KLF17: variants seen among roughly 807,000 people sequenced by gnomAD.
KLF17 encodes the protein KLF transcription factor 17, also known as Krueppel-like factor 17.
In KLF17, 31 loss-of-function variants were observed where a neutral mutation model predicts 34.2. The observed-to-expected ratio is 0.91, with a 90% CI of 0.68 to 1.22. The LOEUF is 1.22. KLF17 is among the 50% of genes most tolerant of loss of function. The pLI is 0.00. For missense variants in KLF17, 478 were observed against 505.2 expected, an observed-to-expected ratio of 0.95 and a Z score of 0.52; for synonymous variants, 179 against 186.7, an observed-to-expected ratio of 0.96 and a Z score of 0.34.
At chr1:44,046,539 TCACACACACA>T in the KLF17 span, among the ~76,000 whole-genome samples, 9 of 25,342 alleles carry the variant, frequency 3.6e-4, no homozygotes, top group East Asian at 6.6e-3. Context: ...ACACACACAC[TCACACACACA>T]CACACACACA....
At chr1:44,091,959 A>ACG in the KLF17 span, among the ~76,000 whole-genome samples, 1 of 109,800 alleles carries the variant, frequency 9.1e-6, no homozygotes, top group Non-Finnish European at 1.8e-5. Flanking sequence ...CAACACACAC[A>ACG]CACTCTCTCT....
chr1:44,098,809 C>T, the KLF17 span, among the ~76,000 whole-genome samples: 520 of 152,050 alleles, frequency 3.4e-3, 2 homozygotes, highest in African/African-American at 0.012. Context: ...CTCGGCCTCC[C>T]AAAGTGCTGG....
At chr1:44,089,173 A>G in the KLF17 span, among the ~76,000 whole-genome samples, 1 of 152,178 alleles carries the variant, frequency 6.6e-6, no homozygotes, top group African/African-American at 2.4e-5. Flanking sequence ...GCATAACCAA[A>G]CACAAGTCAT....
intron 1 of KLF17, among the ~76,000 whole-genome samples, chr1:44,127,030 G>A (rs1438802071): frequency 1.3e-5 from 2 of 151,136 alleles, no homozygotes; most frequent in African/African-American, 2.4e-5. Context: ...CTGAGTGGCT[G>A]GGACCACAGG....
At chr1:44,121,402 G>A (rs1015750504) in intron 1 of KLF17, among the ~76,000 whole-genome samples, 12 of 152,146 alleles carry the variant, frequency 7.9e-5, no homozygotes, top group Admixed American at 6.5e-4. Flanking sequence ...GGCATGAGCC[G>A]CCACGCCCAG....
the KLF17 span, among the ~76,000 whole-genome samples, chr1:44,072,776 T>C: frequency 0.012 from 1,770 of 152,030 alleles, 23 homozygotes; most frequent in African/African-American, 0.04. Flanking sequence ...TAAATGTGAA[T>C]AGAAAATAGA....
rs182452505 is a variant in KLF17, at chr1:44,122,317, G to A, written c.81+3329G>A. On this transcript the variant is annotated intron_variant, in intron 1 of 3. Coordinates refer to ENST00000372299, the MANE Select transcript of KLF17 (RefSeq NM_173484.4). ...AAACTGTCTAGTAGAATAAAATACC[G>A]AATGTTATTTCCTCGAATACTCAGC... 3.1e-5 allele frequency: 50 copies of A among 1,595,826 alleles called. No individual in the cohort carries two copies. The Admixed American group carries it at 5.5e-4, about 18-fold the overall frequency.
At chr1:44,059,214 G>A in the KLF17 span, among the ~76,000 whole-genome samples, 5 of 152,192 alleles carry the variant, frequency 3.3e-5, no homozygotes, top group African/African-American at 7.2e-5. Context: ...AGGTGGTAAT[G>A]TGATGCTGTG....
At chr1:44,125,032 C>T (rs1234166456) in intron 1 of KLF17, among the ~76,000 whole-genome samples, 1 of 152,094 alleles carries the variant, frequency 6.6e-6, no homozygotes, top group African/African-American at 2.4e-5. Flanking sequence ...TCTTTTAAAT[C>T]ATGTAGAAAA....
chr1:44,070,262 G>A, the KLF17 span, among the ~76,000 whole-genome samples: 3 of 152,060 alleles, frequency 2.0e-5, no homozygotes, highest in Non-Finnish European at 4.4e-5. Context: ...TTGTATAGTG[G>A]TGAAGTCAGG....
the KLF17 span, among the ~76,000 whole-genome samples, chr1:44,058,466 T>A: frequency 1.3e-5 from 2 of 151,956 alleles, no homozygotes; most frequent in Non-Finnish European, 2.9e-5. Flanking sequence ...AATTTTTGTA[T>A]TTTTAGTAGA....
chr1:44,072,105 G>A, the KLF17 span, among the ~76,000 whole-genome samples: 15 of 152,100 alleles, frequency 9.9e-5, no homozygotes, highest in South Asian at 2.3e-3. Flanking sequence ...TTTTGAAGGC[G>A]GATACAACAG....
the KLF17 span, among the ~76,000 whole-genome samples, chr1:44,094,866 C>A: frequency 3.3e-5 from 5 of 150,770 alleles, no homozygotes; most frequent in Admixed American, 3.3e-4. Context: ...ATATTTTTTT[C>A]TAGTTTTGTG....
At chr1:44,103,771 T>A in the KLF17 span, 3 of 1,045,704 alleles carry the variant, frequency 2.9e-6, no homozygotes, top group African/African-American at 1.6e-5. Context: ...TCGGCATCTG[T>A]GATGGCGGCC....
At chr1:44,105,665 T>G in the KLF17 span, among the ~76,000 whole-genome samples, 1 of 152,172 alleles carries the variant, frequency 6.6e-6, no homozygotes, top group East Asian at 1.9e-4. Context: ...TATTTTCCAT[T>G]TTTTTCTTTT....
Position 44,118,949 on chromosome 1 carries a change from G to A in KLF17, c.42G>A (p.Gly14=). The part of the protein sequence containing the change: ...RPQAEMEQEA[G]ELSRWQAAHQ... ...AGGCTGAGATGGAACAGGAGGCTGG[G>A]GAGCTGAGCCGGTGGCAGGCGGCGC... Residue 14 remains glycine (G), a synonymous_variant, in exon 1 of 4, where the codon GGG becomes GGA. Transcript: ENST00000372299. The A allele has an allele frequency of 1.2e-6, 2 of 1,612,294 alleles. No homozygotes were observed. The highest frequency in any genetic ancestry group is 1.7e-6 in the Non-Finnish European group (2 of 1,179,302).
At chr1:44,078,470 G>A in the KLF17 span, among the ~76,000 whole-genome samples, 2 of 140,822 alleles carry the variant, frequency 1.4e-5, no homozygotes, top group Non-Finnish European at 3.0e-5. Context: ...GTTTTGCCCT[G>A]TTGCCAGGCT....
At chr1:44,097,432 T>C in the KLF17 span, among the ~76,000 whole-genome samples, 2 of 152,196 alleles carry the variant, frequency 1.3e-5, no homozygotes, top group Middle Eastern at 3.2e-3. Context: ...GGGGATAGCA[T>C]TGAATCTATA....
the KLF17 span, among the ~76,000 whole-genome samples, chr1:44,090,306 C>CATAAA: frequency 4.3e-5 from 1 of 23,410 alleles, no homozygotes; most frequent in Non-Finnish European, 7.0e-5. Flanking sequence ...CTTGTCTCTA[C>CATAAA]AAAAAAAAAA....
Sources: gnomAD v4.1 joint callset for allele counts (sites outside exome capture counted in the v4.1 genomes callset) on GRCh38, gnomAD v4.1.1 for gene constraint, MANE v1.5 for transcripts, NCBI Gene and HGNC (gene_info 2026-07-23, HGNC 2026-07-21) for gene names.